PARD3: variants seen among roughly 807,000 people sequenced by gnomAD.
PARD3 encodes the protein partitioning defective 3 homolog.
A neutral mutation model predicts 155.4 loss-of-function variants in PARD3; 75 were observed. The ratio of observed to expected loss-of-function variants is 0.48; its 90% CI spans 0.40 to 0.58. The LOEUF is 0.58. Ranked by LOEUF, PARD3 falls within the 20% of genes least tolerant of loss-of-function variation. PARD3 has a pLI of 0.00. For synonymous variants in PARD3, 576 were observed against 610.5 expected, an observed-to-expected ratio of 0.94 and a Z score of 0.83; for missense variants, 1,642 against 1,721.7, an observed-to-expected ratio of 0.95 and a Z score of 0.82.
At chr10:34,296,841 G>A (rs1956934247) in intron 20 of PARD3, among the ~76,000 whole-genome samples, 1 of 152,144 alleles carries the variant, frequency 6.6e-6, no homozygotes, top group African/African-American at 2.4e-5. Flanking sequence ...AGAGAGTTAG[G>A]CACCATGGCA....
At chr10:34,397,578 C>A (rs1250588771) in intron 7 of PARD3, among the ~76,000 whole-genome samples, 1 of 152,196 alleles carries the variant, frequency 6.6e-6, no homozygotes. Context: ...TAACCAGAAA[C>A]TGTGGTGGAT....
intron 12 of PARD3, among the ~76,000 whole-genome samples, chr10:34,364,240 A>G (rs757693993): frequency 6.6e-6 from 1 of 152,236 alleles, no homozygotes; most frequent in Non-Finnish European, 1.5e-5. Context: ...ATGAGAATGT[A>G]CAAAATATTG....
intron 2 of PARD3, among the ~76,000 whole-genome samples, chr10:34,592,621 C>T (rs1296517442): frequency 6.6e-6 from 1 of 152,002 alleles, no homozygotes; most frequent in Non-Finnish European, 1.5e-5. Context: ...ACTAAAAATA[C>T]AAAAATTAGC....
chr10:34,350,606 C>G (rs1837950703), intron 14 of PARD3, among the ~76,000 whole-genome samples: 1 of 120,464 alleles, frequency 8.3e-6, no homozygotes, highest in Non-Finnish European at 1.6e-5. Flanking sequence ...GCACTCCAGC[C>G]TGGCTAACAG....
intron 22 of PARD3, among the ~76,000 whole-genome samples, chr10:34,238,950 T>G (rs558344721): frequency 5.3e-5 from 8 of 152,248 alleles, no homozygotes; most frequent in African/African-American, 1.9e-4. Context: ...CATATTTTAT[T>G]TTAAACTTTT....
rs543977513 is a variant in PARD3, at chr10:34,472,023, C to A, written c.404-1760G>T. Among the ~76,000 whole-genome samples the A allele has an allele frequency of 7.9e-5, 12 of 152,198 alleles. No homozygotes were observed. In the East Asian group the frequency reaches 2.3e-3, roughly 29 times the overall value. On this transcript the variant is annotated intron_variant, in intron 3 of 24. Coordinates refer to ENST00000374788, the MANE Select transcript of PARD3 (RefSeq NM_001184785.2). ...AGCTGTATTTAAACCACTGTCAATCCAATAGTCTCCAATGTGAAAGCAAAT... is the reference window on the plus strand; with the variant it reads ...AGCTGTATTTAAACCACTGTCAATCAAATAGTCTCCAATGTGAAAGCAAAT...
Position 34,605,537 on chromosome 10 carries a change from C to CTATATATATATA in PARD3, c.223-88390_223-88379dup, listed in dbSNP as rs1226768521. 5.4e-4 allele frequency among the ~76,000 whole-genome samples: 14 copies of CTATATATATATA among 25,706 alleles called. 1 individual carries two copies. Among genetic ancestry groups the CTATATATATATA allele is most frequent in the East Asian group, 1.1e-3 (1 of 938 alleles). 16.9% of individuals were successfully genotyped at this position (25,706 alleles called of 152,430 possible). A position where few individuals can be genotyped will look rare whatever the true frequency, so the allele number is the denominator to read the frequency against. ...TATATATATCTCCTATATATATCTC[C>CTATATATATATA]TATATATATATATATATATCTCCTA... On this transcript the variant is annotated intron_variant, in intron 2 of 24. Transcript: ENST00000374788.
intron 22 of PARD3, among the ~76,000 whole-genome samples, chr10:34,137,516 T>C (rs1241471746): frequency 6.6e-6 from 1 of 152,226 alleles, no homozygotes; most frequent in Non-Finnish European, 1.5e-5. Flanking sequence ...AATCAATATG[T>C]GTTGTTTTAA....
chr10:34,267,537 T>G (rs1588995851), intron 22 of PARD3, among the ~76,000 whole-genome samples: 1 of 152,124 alleles, frequency 6.6e-6, no homozygotes, highest in East Asian at 1.9e-4. Context: ...AACCAAATAC[T>G]CTGGCTATAG....
chr10:34,359,103 T>C (rs779402415), intron 14 of PARD3, 44 bp downstream of exon 14: 1 of 1,518,692 alleles, frequency 6.6e-7, no homozygotes, highest in Non-Finnish European at 9.1e-7. Context: ...AGAAATGTAG[T>C]TTATTTACAA....
At position 34,571,241 on chromosome 10, in the gene PARD3, G is replaced by A. The variant is rs184735272; in HGVS notation, c.223-54082C>T. Among the ~76,000 whole-genome samples, 605 of 152,292 alleles carry A rather than the reference G, an allele frequency of 4.0e-3. 2 individuals carry two copies. The highest frequency in any genetic ancestry group is 6.7e-3 in the Non-Finnish European group (458 of 68,026). On this transcript the variant is annotated intron_variant, in intron 2 of 24. Transcript: ENST00000374788. ...AGGCTGGAGGATTACTTGAGCCCAG[G>A]AAGTCACAACTGTGGGGAGCTATGA...
rs144483754 is a variant in PARD3, at chr10:34,563,927, A to C, written c.223-46768T>G. 2.4e-3 allele frequency among the ~76,000 whole-genome samples: 368 copies of C among 152,340 alleles called. 9 individuals carry two copies. Among genetic ancestry groups the C allele is most frequent in the Admixed American group, 0.023 (346 of 15,298 alleles). ...TATATATAATCTTTTCATAGATAAA[A>C]TTCATACCTGTTTTCAAAAATAACT... is the stretch of plus-strand genomic sequence containing the variant. On this transcript the variant is annotated intron_variant, in intron 2 of 24. Coordinates refer to ENST00000374788, the MANE Select transcript of PARD3 (RefSeq NM_001184785.2).
chr10:34,128,301 C>T (rs980251633), intron 23 of PARD3, among the ~76,000 whole-genome samples: 3 of 152,022 alleles, frequency 2.0e-5, no homozygotes, highest in African/African-American at 7.2e-5. Context: ...CTCCTCCTCC[C>T]CTGCCTATTC....
intron 22 of PARD3, among the ~76,000 whole-genome samples, chr10:34,173,493 T>A (rs1282996048): frequency 1.3e-5 from 2 of 152,190 alleles, no homozygotes; most frequent in Admixed American, 6.5e-5. Flanking sequence ...TTGTAACTTT[T>A]TTCCTCCACC....
At chr10:34,118,399 C>T (rs1434749063) in intron 24 of PARD3, among the ~76,000 whole-genome samples, 1 of 152,216 alleles carries the variant, frequency 6.6e-6, no homozygotes, top group Admixed American at 6.5e-5. Context: ...CAGGCAAGTG[C>T]AGTGGTGTGA....
chr10:34,728,197 T>C (rs2094752969), intron 1 of PARD3, among the ~76,000 whole-genome samples: 1 of 152,218 alleles, frequency 6.6e-6, no homozygotes, highest in Non-Finnish European at 1.5e-5. Context: ...ATTTACCATA[T>C]GTAATAAAAT....
intron 20 of PARD3, among the ~76,000 whole-genome samples, chr10:34,295,256 T>C (rs1956854213): frequency 6.6e-6 from 1 of 152,138 alleles, no homozygotes; most frequent in Non-Finnish European, 1.5e-5. Flanking sequence ...AACACGGAGA[T>C]GTGTTGTCTC....
intron 2 of PARD3, among the ~76,000 whole-genome samples, chr10:34,634,975 A>G (rs1367181177): frequency 6.6e-6 from 1 of 152,230 alleles, no homozygotes; most frequent in African/African-American, 2.4e-5. Context: ...TCTAGCGTCC[A>G]CCTGAAGAAT....
chr10:34,663,749 C>T (rs1175838913), intron 2 of PARD3: 1 of 151,986 alleles, frequency 6.6e-6, no homozygotes. Context: ...TTCTTCTATT[C>T]ATCCACAAAA....
Sources: allele counts gnomAD v4.1 joint callset (sites outside exome capture counted in the v4.1 genomes callset), GRCh38; gene constraint gnomAD v4.1.1; transcripts MANE v1.5; gene names NCBI Gene and HGNC (gene_info 2026-07-23, HGNC 2026-07-21).